The following DLG2 variants were observed in gnomAD, a reference collection of about 807,000 sequenced individuals.
DLG2 encodes discs large MAGUK scaffold protein 2.
A neutral mutation model predicts 132.5 loss-of-function variants in DLG2; 45 were observed. That is an observed-to-expected ratio of 0.34 (90% CI 0.27 to 0.44). DLG2 has a LOEUF of 0.44. DLG2 is among the 20% of genes least tolerant of loss of function. The pLI, the probability that DLG2 is intolerant of heterozygous loss-of-function variation, is 1.00. For synonymous variants in DLG2, 424 were observed against 419.6 expected (o/e 1.01, Z -0.13); for missense variants, 1,045 against 1,196.9 (o/e 0.87, Z 1.87).
intron 3 of DLG2, among the ~76,000 whole-genome samples, chr11:85,391,262 G>C (rs1226152715): frequency 6.6e-6 from 1 of 151,768 alleles, no homozygotes; most frequent in Non-Finnish European, 1.5e-5. Flanking sequence ...CTCTGAACAG[G>C]CCAATAACAA....
intron 7 of DLG2, among the ~76,000 whole-genome samples, chr11:84,262,130 G>A (rs566343032): frequency 6.6e-6 from 1 of 152,244 alleles, no homozygotes; most frequent in East Asian, 1.9e-4. Context: ...TTATAGATAA[G>A]GAAAGTGAGG....
chr11:85,474,499 G>A (rs2093078934), intron 3 of DLG2, among the ~76,000 whole-genome samples: 1 of 151,826 alleles, frequency 6.6e-6, no homozygotes, highest in Non-Finnish European at 1.5e-5. Context: ...CTGTTCTAAA[G>A]GATTAGATTT....
chr11:84,930,179 T>C (rs532775416), intron 6 of DLG2, among the ~76,000 whole-genome samples: 2 of 152,248 alleles, frequency 1.3e-5, no homozygotes, highest in African/African-American at 4.8e-5. Context: ...GATCAGCCCC[T>C]ACAGAGTCTT....
chr11:84,541,160 T>C (rs771938014), intron 6 of DLG2, among the ~76,000 whole-genome samples: 1 of 151,458 alleles, frequency 6.6e-6, no homozygotes. Flanking sequence ...CTGCATGTTG[T>C]GCACATGTAC....
intron 11 of DLG2, among the ~76,000 whole-genome samples, chr11:84,013,453 T>C (rs990759677): frequency 6.6e-6 from 1 of 152,106 alleles, no homozygotes; most frequent in African/African-American, 2.4e-5. Context: ...TTATGAAATA[T>C]GTTTAAATTC....
intron 18 of DLG2, among the ~76,000 whole-genome samples, chr11:83,660,739 A>C (rs539417988): frequency 6.6e-6 from 1 of 152,326 alleles, no homozygotes; most frequent in South Asian, 2.1e-4. Context: ...GAAAGACTTG[A>C]GGTACATAAG....
At chr11:84,667,721 A>C (rs1341335934) in intron 6 of DLG2, among the ~76,000 whole-genome samples, 2 of 151,000 alleles carry the variant, frequency 1.3e-5, no homozygotes, top group African/African-American at 4.9e-5. Context: ...CTGGTTTTGA[A>C]CTCCTGACCT....
At chr11:84,763,294 T>G (rs555609498) in intron 6 of DLG2, 2 of 152,372 alleles carry the variant, frequency 1.3e-5, no homozygotes, top group South Asian at 4.1e-4. Context: ...CAACAGGGCC[T>G]GCCTCTTTCT....
At chr11:85,139,656 T>C (rs549320422) in intron 5 of DLG2, among the ~76,000 whole-genome samples, 21 of 152,124 alleles carry the variant, frequency 1.4e-4, no homozygotes, top group African/African-American at 4.8e-4. Flanking sequence ...TAAAATCTAC[T>C]CATTTAGCAT....
intron 6 of DLG2, among the ~76,000 whole-genome samples, chr11:84,851,123 G>A (rs1329328908): frequency 1.3e-5 from 2 of 152,070 alleles, no homozygotes; most frequent in South Asian, 2.1e-4. Context: ...TTGCATCCCA[G>A]AATACCTCCA....
intron 6 of DLG2, among the ~76,000 whole-genome samples, chr11:84,814,304 G>A (rs992527594): frequency 2.6e-5 from 4 of 151,998 alleles, no homozygotes; most frequent in Admixed American, 1.3e-4. Context: ...AGTCGCTATC[G>A]GGACCTCAAA....
At chr11:85,145,004 C>T (rs1439016344) in intron 5 of DLG2, among the ~76,000 whole-genome samples, 1 of 152,076 alleles carries the variant, frequency 6.6e-6, no homozygotes, top group Non-Finnish European at 1.5e-5. Flanking sequence ...TAGGACAAGT[C>T]CACTGTTGAT....
chr11:85,273,874 G>T (rs541209028), intron 4 of DLG2, among the ~76,000 whole-genome samples: 1 of 152,184 alleles, frequency 6.6e-6, no homozygotes. Flanking sequence ...ATCAATGATA[G>T]ATAGGATTAA....
At chr11:84,835,711 T>C (rs2079665760) in intron 6 of DLG2, among the ~76,000 whole-genome samples, 1 of 151,744 alleles carries the variant, frequency 6.6e-6, no homozygotes, top group Non-Finnish European at 1.5e-5. Context: ...GAAAACTTTT[T>C]CAAATGGTAG....
intron 18 of DLG2, among the ~76,000 whole-genome samples, chr11:83,740,171 T>C (rs2092388750): frequency 6.6e-6 from 1 of 152,218 alleles, no homozygotes; most frequent in African/African-American, 2.4e-5. Flanking sequence ...TTTGCTCCTA[T>C]ATATACACCT....
At chr11:84,039,052 G>A (rs1047418727) in intron 11 of DLG2, among the ~76,000 whole-genome samples, 1 of 151,936 alleles carries the variant, frequency 6.6e-6, no homozygotes, top group East Asian at 1.9e-4. Context: ...TGTTTTTTAA[G>A]ACAAATCATA....
At chr11:84,425,905 C>A (rs145764446) in intron 7 of DLG2, among the ~76,000 whole-genome samples, 2 of 152,094 alleles carry the variant, frequency 1.3e-5, no homozygotes, top group African/African-American at 4.8e-5. Flanking sequence ...GCAATTAATG[C>A]AACCACTGGT....
chr11:85,464,465 C>T (rs955540207), intron 3 of DLG2, among the ~76,000 whole-genome samples: 2 of 152,100 alleles, frequency 1.3e-5, no homozygotes, highest in Non-Finnish European at 2.9e-5. Flanking sequence ...GGAAAATGTT[C>T]CCTGTGAGCT....
chr11:85,321,113 G>T (rs774150878), intron 3 of DLG2, among the ~76,000 whole-genome samples: 1 of 151,822 alleles, frequency 6.6e-6, no homozygotes, highest in Non-Finnish European at 1.5e-5. Context: ...TTGAATGAGG[G>T]TAATAATGGA....
Sources: allele counts gnomAD v4.1 joint callset (sites outside exome capture counted in the v4.1 genomes callset), GRCh38; gene constraint gnomAD v4.1.1; transcripts MANE v1.5; gene names NCBI Gene and HGNC (gene_info 2026-07-23, HGNC 2026-07-21).